SND1: variants seen among roughly 807,000 people sequenced by gnomAD.
The protein encoded by SND1 is staphylococcal nuclease domain-containing protein 1.
SND1 carries 38 observed loss-of-function variants against 121.7 expected under a neutral mutation model. The ratio of observed to expected loss-of-function variants is 0.31; its 90% CI spans 0.24 to 0.41. The LOEUF (loss-of-function observed/expected upper bound fraction) is 0.41. Ranked by LOEUF, SND1 falls within the 10% of genes least tolerant of loss-of-function variation. The probability of loss-of-function intolerance (pLI) is 1.00; values close to 1 mark genes in which losing one functional copy is unlikely to be tolerated. For synonymous variants in SND1, 401 were observed against 447.4 expected (o/e 0.90, Z 1.31); for missense variants, 868 against 1,184.6 (o/e 0.73, Z 3.92).
Position 127,906,871 on chromosome 7 carries a change from G to A in SND1, c.1527+2052G>A, listed in dbSNP as rs551200095. Among the ~76,000 whole-genome samples, 10 of 151,934 alleles carry A rather than the reference G, an allele frequency of 6.6e-5. No homozygotes were observed. The East Asian group carries it at 9.7e-4, about 15-fold the overall frequency. On this transcript the variant is annotated intron_variant, in intron 14 of 23. Coordinates refer to ENST00000354725, the MANE Select transcript of SND1 (RefSeq NM_014390.4). Reference sequence around the variant, plus strand: ...ATGCTTTTTTTATTCCTTTATTTCCGTTGTCATTAGCAGTGGGTCTTGTGA... The same window carrying A: ...ATGCTTTTTTTATTCCTTTATTTCCATTGTCATTAGCAGTGGGTCTTGTGA...
intron 11 of SND1, among the ~76,000 whole-genome samples, chr7:127,841,654 A>G (rs1798967784): frequency 6.6e-6 from 1 of 152,104 alleles, no homozygotes; most frequent in Non-Finnish European, 1.5e-5. Context: ...TGAGTTACTC[A>G]GGCCTGTCTG....
intron 10 of SND1, among the ~76,000 whole-genome samples, chr7:127,746,547 G>A (rs991452837): frequency 3.3e-5 from 5 of 152,168 alleles, no homozygotes; most frequent in African/African-American, 1.2e-4. Context: ...GGGCATTAGA[G>A]AAGGAAAGGA....
chr7:127,926,927 C>T (rs1416093080), intron 14 of SND1, among the ~76,000 whole-genome samples: 6 of 152,110 alleles, frequency 3.9e-5, no homozygotes, highest in Non-Finnish European at 8.8e-5. Flanking sequence ...TGATCTTTGC[C>T]ATAATCAATG....
At chr7:127,791,452 G>GT (rs1488262219) in intron 10 of SND1, among the ~76,000 whole-genome samples, 1 of 151,736 alleles carries the variant, frequency 6.6e-6, no homozygotes, top group Non-Finnish European at 1.5e-5. Flanking sequence ...CATGCCCAAC[G>GT]TTACTTTTTT....
At chr7:127,760,849 G>A (rs1314022444) in intron 10 of SND1, among the ~76,000 whole-genome samples, 1 of 152,142 alleles carries the variant, frequency 6.6e-6, no homozygotes. Flanking sequence ...TAAGTGCTGG[G>A]CCATTTGGTG....
At chr7:128,032,229 C>G (rs1215202615) in intron 16 of SND1, 1 of 149,326 alleles carries the variant, frequency 6.7e-6, no homozygotes, top group Non-Finnish European at 1.5e-5. Flanking sequence ...AGCGCCGCGC[C>G]GGCCGGCGCC....
intron 2 of SND1, among the ~76,000 whole-genome samples, chr7:127,691,725 G>A (rs1214157776): frequency 6.6e-6 from 1 of 150,946 alleles, no homozygotes; most frequent in Non-Finnish European, 1.5e-5. Flanking sequence ...CAATTCTCCT[G>A]TCTCAGCTTC....
chr7:127,975,392 TG>T (rs1457104232), intron 15 of SND1, among the ~76,000 whole-genome samples: 2 of 149,678 alleles, frequency 1.3e-5, no homozygotes, highest in African/African-American at 5.0e-5. Flanking sequence ...CTCGTGTGTG[TG>T]TGTGTGTGTG....
At chr7:127,966,692 A>G (rs1224174618) in intron 15 of SND1, among the ~76,000 whole-genome samples, 2 of 105,778 alleles carry the variant, frequency 1.9e-5, no homozygotes, top group Non-Finnish European at 3.8e-5. Flanking sequence ...TCTCTGGGAC[A>G]CATTCAAAGC....
intron 16 of SND1, among the ~76,000 whole-genome samples, chr7:128,005,170 G>A (rs1802930984): frequency 6.6e-6 from 1 of 152,192 alleles, no homozygotes; most frequent in African/African-American, 2.4e-5. Context: ...TGAGGCCTTG[G>A]GATTCACAGC....
intron 15 of SND1, among the ~76,000 whole-genome samples, chr7:127,979,556 G>A (rs1038707383): frequency 6.6e-6 from 1 of 152,180 alleles, no homozygotes; most frequent in African/African-American, 2.4e-5. Flanking sequence ...CAGAGCAGGT[G>A]ACCAAGGATG....
At chr7:127,863,450 T>G (rs1799414702) in intron 12 of SND1, among the ~76,000 whole-genome samples, 1 of 152,130 alleles carries the variant, frequency 6.6e-6, no homozygotes, top group Admixed American at 6.5e-5. Flanking sequence ...AAAAAAAAAT[T>G]ATTGCTTAGT....
intron 15 of SND1, among the ~76,000 whole-genome samples, chr7:127,952,104 G>GT (rs1801475305): frequency 1.3e-5 from 2 of 152,106 alleles, no homozygotes; most frequent in South Asian, 4.1e-4. Context: ...ACTCCTTGAA[G>GT]TTTTTGTGTT....
chr7:127,886,408 A>G (rs1584641912), intron 12 of SND1, among the ~76,000 whole-genome samples: 1 of 152,056 alleles, frequency 6.6e-6, no homozygotes, highest in East Asian at 1.9e-4. Flanking sequence ...GCATCCCCAC[A>G]GTATAACTTT....
chr7:127,656,693 C>T (rs1795216348), intron 1 of SND1, among the ~76,000 whole-genome samples: 1 of 152,186 alleles, frequency 6.6e-6, no homozygotes, highest in African/African-American at 2.4e-5. Flanking sequence ...GTACTTCGCT[C>T]ATGCAGGAAT....
intron 15 of SND1, among the ~76,000 whole-genome samples, chr7:127,946,573 G>A (rs946474138): frequency 6.6e-6 from 1 of 152,166 alleles, no homozygotes; most frequent in African/African-American, 2.4e-5. Context: ...ACCTTGAAGA[G>A]CAGAGTTTTG....
At chr7:127,829,537 T>G (rs1278000505) in intron 11 of SND1, among the ~76,000 whole-genome samples, 1 of 152,250 alleles carries the variant, frequency 6.6e-6, no homozygotes, top group Non-Finnish European at 1.5e-5. Flanking sequence ...CTTAGGCCAC[T>G]GACTGCTCTC....
chr7:128,039,835 T>C (rs529985366), intron 16 of SND1, among the ~76,000 whole-genome samples: 7 of 152,344 alleles, frequency 4.6e-5, no homozygotes, highest in South Asian at 4.1e-4. Flanking sequence ...CGCTTTTTGC[T>C]AATTAAAGAA....
intron 10 of SND1, among the ~76,000 whole-genome samples, chr7:127,780,277 G>C (rs1333106541): frequency 6.6e-6 from 1 of 152,228 alleles, no homozygotes; most frequent in African/African-American, 2.4e-5. Flanking sequence ...CTAAAGTATG[G>C]TAGCTTCTAG....
Sources: gnomAD v4.1 joint callset for allele counts (sites outside exome capture counted in the v4.1 genomes callset) on GRCh38, gnomAD v4.1.1 for gene constraint, MANE v1.5 for transcripts, NCBI Gene and HGNC (gene_info 2026-07-23, HGNC 2026-07-21) for gene names.